FRAS1: variants seen among roughly 807,000 people sequenced by gnomAD.
The protein encoded by FRAS1 is Fraser extracellular matrix complex subunit 1, also known as extracellular matrix organizing protein FRAS1.
FRAS1 carries 290 observed loss-of-function variants against 435.2 expected under a neutral mutation model. That is an observed-to-expected ratio of 0.67 (90% CI 0.61 to 0.73). The LOEUF is 0.73. Among genes scored for constraint, FRAS1 ranks in the 30% least tolerant of loss-of-function variants. The pLI, the probability that FRAS1 is intolerant of heterozygous loss-of-function variation, is 0.00. For synonymous variants in FRAS1, 1,800 were observed against 1,851.0 expected (o/e 0.97, Z 0.71); for missense variants, 4,860 against 5,001.5 (o/e 0.97, Z 0.85).
At position 78,424,373 on chromosome 4, in the gene FRAS1, C is replaced by G; in HGVS notation, c.4679-15C>G. ...AAAGTGTTTAATATACTGATTGTCT[C>G]TCTTACTCTTTTAGGTCTCCCAGAA... is the stretch of plus-strand genomic sequence containing the variant. On this transcript the variant is annotated splice_polypyrimidine_tract_variant and intron_variant, in intron 34 of 73. Coordinates refer to ENST00000512123, the MANE Select transcript of FRAS1 (RefSeq NM_025074.7). 2.1e-6 allele frequency: 3 copies of G among 1,437,314 alleles called. No individual in the cohort carries two copies. Among genetic ancestry groups the G allele is most frequent in the Non-Finnish European group, 2.8e-6 (3 of 1,067,124 alleles). 89.0% of individuals were successfully genotyped at this position (1,437,314 alleles called of 1,614,324 possible). A position where few individuals can be genotyped will look rare whatever the true frequency, so the allele number is the denominator to read the frequency against.
chr4:78,495,572 T>A (rs1208801945), intron 59 of FRAS1, among the ~76,000 whole-genome samples: 2 of 152,190 alleles, frequency 1.3e-5, no homozygotes. Flanking sequence ...AACACATACA[T>A]GTACTACAGA....
Position 78,540,999 on chromosome 4 carries a change from A to C in FRAS1, c.11914A>C (p.Thr3972Pro), listed in dbSNP as rs750017562. The change falls in exon 74 of 74, where the codon ACT becomes CCT. Residue 3972 changes from threonine to proline, a missense_variant. Thr to Pro is a conservative substitution (Grantham distance 38). Coordinates refer to ENST00000512123, the MANE Select transcript of FRAS1 (RefSeq NM_025074.7). ...GAAGAACGTGAATAGACACTACTGC[A>C]CTGTGCGGAACGTCAACATCCTGAG... is the stretch of plus-strand genomic sequence containing the variant. The part of the protein sequence containing the change: ...VEKNVNRHYC[T>P]VRNVNILSEP... 42 of 1,574,668 alleles carry C rather than the reference A, an allele frequency of 2.7e-5. No individual in the cohort carries two copies. Among genetic ancestry groups the C allele is most frequent in the Non-Finnish European group, 3.5e-5 (40 of 1,157,260 alleles).
intron 2 of FRAS1, among the ~76,000 whole-genome samples, chr4:78,229,039 T>G (rs190895870): frequency 9.4e-4 from 143 of 152,314 alleles, no homozygotes; most frequent in African/African-American, 3.3e-3. Context: ...TAGTGTGGTA[T>G]ATGACCTATG....
chr4:78,303,023 T>C (rs1728498269), intron 14 of FRAS1, among the ~76,000 whole-genome samples: 1 of 152,154 alleles, frequency 6.6e-6, no homozygotes, highest in South Asian at 2.1e-4. Flanking sequence ...CCATCTTGAA[T>C]TGATTTTTGT....
chr4:78,141,877 C>T (rs1438633822), intron 2 of FRAS1, among the ~76,000 whole-genome samples: 4 of 152,012 alleles, frequency 2.6e-5, no homozygotes. Flanking sequence ...AGTGATGTAA[C>T]TCAGGAATGG....
chr4:78,450,529 G>A (rs966146816), intron 45 of FRAS1, 190 bp downstream of exon 45: 22 of 568,958 alleles, frequency 3.9e-5, no homozygotes, highest in East Asian at 1.2e-4. Context: ...ATCTTTCTTG[G>A]TTGAAATGTG....
intron 2 of FRAS1, among the ~76,000 whole-genome samples, chr4:78,194,048 T>A (rs1192591724): frequency 6.6e-6 from 1 of 152,214 alleles, no homozygotes; most frequent in Non-Finnish European, 1.5e-5. Flanking sequence ...TTTGTCTGGA[T>A]ATGAAATTCT....
At chr4:78,516,415 C>G (rs1721218556) in intron 66 of FRAS1, among the ~76,000 whole-genome samples, 1 of 152,198 alleles carries the variant, frequency 6.6e-6, no homozygotes, top group African/African-American at 2.4e-5. Context: ...GCCTGTCTTT[C>G]AGAAGATAAG....
At chr4:78,518,182 T>G (rs1467526465) in intron 66 of FRAS1, among the ~76,000 whole-genome samples, 3 of 151,970 alleles carry the variant, frequency 2.0e-5, no homozygotes, top group African/African-American at 7.3e-5. Context: ...AATTTTTCAA[T>G]GAGTATGGAG....
chr4:78,323,161 G>A (rs929994577), intron 18 of FRAS1, among the ~76,000 whole-genome samples: 3 of 152,186 alleles, frequency 2.0e-5, no homozygotes, highest in Middle Eastern at 3.2e-3. Context: ...TTGACTTCAT[G>A]TTTCTTTTTC....
Position 78,323,187 on chromosome 4 carries a change from T to G in FRAS1, c.2137+4201T>G, listed in dbSNP as rs117666732. On this transcript the variant is annotated intron_variant, in intron 18 of 73. Coordinates refer to ENST00000512123, the MANE Select transcript of FRAS1 (RefSeq NM_025074.7). Reference sequence around the variant, plus strand: ...TTTCTTTTTCACAAGGCCTCTATGTTTCCAAAGTGTGGCTAGAATTGCTGG... The same window carrying G: ...TTTCTTTTTCACAAGGCCTCTATGTGTCCAAAGTGTGGCTAGAATTGCTGG... 3.9e-4 allele frequency among the ~76,000 whole-genome samples: 60 copies of G among 152,352 alleles called. No homozygotes were observed. The East Asian group carries it at 0.011, about 29-fold the overall frequency.
chr4:78,477,001 AAAAC>A (rs1719872084), intron 54 of FRAS1, among the ~76,000 whole-genome samples: 1 of 151,880 alleles, frequency 6.6e-6, no homozygotes, highest in Admixed American at 6.6e-5. Flanking sequence ...AAAAAAAAAA[AAAAC>A]AAAGTAAAAC....
intron 73 of FRAS1, among the ~76,000 whole-genome samples, chr4:78,540,277 CTT>C (rs1439618062): frequency 6.6e-6 from 1 of 152,158 alleles, no homozygotes; most frequent in African/African-American, 2.4e-5. Context: ...AAGATAATTT[CTT>C]AGGCTATTCC....
chr4:78,167,108 A>G (rs149473190), intron 2 of FRAS1, among the ~76,000 whole-genome samples: 18 of 152,342 alleles, frequency 1.2e-4, no homozygotes. Context: ...AATAATACCA[A>G]TTATACATTG....
chr4:78,414,417 A>G (rs924076586), intron 32 of FRAS1, among the ~76,000 whole-genome samples: 9 of 152,244 alleles, frequency 5.9e-5, no homozygotes, highest in African/African-American at 2.2e-4. Context: ...CTTAGGTTGC[A>G]TACTTGCGAA....
chr4:78,210,844 C>T (rs1723473379), intron 2 of FRAS1, among the ~76,000 whole-genome samples: 1 of 152,160 alleles, frequency 6.6e-6, no homozygotes, highest in Non-Finnish European at 1.5e-5. Context: ...AATCACAGGG[C>T]CTGTTAGGTG....
At position 78,265,764 on chromosome 4, in the gene FRAS1, AT is replaced by A. The variant is rs559206694; in HGVS notation, c.687+657del. Among the ~76,000 whole-genome samples the A allele has an allele frequency of 2.9e-4, 44 of 152,372 alleles. 1 individual carries two copies. The South Asian group carries it at 8.5e-3, about 29-fold the overall frequency. On this transcript the variant is annotated intron_variant, in intron 7 of 73. Coordinates refer to ENST00000512123, the MANE Select transcript of FRAS1 (RefSeq NM_025074.7). ...TCAAAAGCAAAGAACACATAAAAAA[AT>A]AAACTCAATTACTTCCCTTACTCGC...
At chr4:78,275,532 T>C (rs1267196290) in intron 9 of FRAS1, among the ~76,000 whole-genome samples, 3 of 152,222 alleles carry the variant, frequency 2.0e-5, no homozygotes, top group Admixed American at 2.0e-4. Flanking sequence ...TCTCTCAGCA[T>C]TTGCTTGTCT....
At position 78,419,192 on chromosome 4, in the gene FRAS1, A is replaced by T. The variant is rs1020073975; in HGVS notation, c.4540+129A>T. ...TTTGTTGAGGTTTCAAGGAATAATGATTATTCATATTTCTCGCTCCTGTCT... is the reference window on the plus strand; with the variant it reads ...TTTGTTGAGGTTTCAAGGAATAATGTTTATTCATATTTCTCGCTCCTGTCT... On this transcript the variant is annotated intron_variant, in intron 33 of 73. Transcript: ENST00000512123. 1.1e-5 allele frequency: 6 copies of T among 554,478 alleles called. No individual in the cohort carries two copies. In the African/African-American group the frequency reaches 1.2e-4, roughly 11 times the overall value. 34.3% of individuals were successfully genotyped at this position (554,478 alleles called of 1,614,324 possible).
Sources: gnomAD v4.1 joint callset for allele counts (sites outside exome capture counted in the v4.1 genomes callset) on GRCh38, gnomAD v4.1.1 for gene constraint, MANE v1.5 for transcripts, NCBI Gene and HGNC (gene_info 2026-07-23, HGNC 2026-07-21) for gene names.